The following MYL12B variants were observed in gnomAD, a reference collection of about 807,000 sequenced individuals.
The protein encoded by MYL12B is myosin light chain 12B.
A neutral mutation model predicts 12.9 loss-of-function variants in MYL12B; 3 were observed. The observed-to-expected ratio is 0.23, with a 90% confidence interval of 0.11 to 0.60. MYL12B has a LOEUF of 0.60. MYL12B is among the 20% of genes least tolerant of loss of function. MYL12B has a pLI of 0.89. For synonymous variants in MYL12B, 57 were observed against 71.9 expected (o/e 0.79, Z 1.05); for missense variants, 120 against 215.4 (o/e 0.56, Z 2.77).
chr18:3,276,423 G>C, intron 2 of MYL12B: 7 of 984,642 alleles, frequency 7.1e-6, no homozygotes, highest in Non-Finnish European at 8.4e-6. Flanking sequence ...AAAGGTCAGG[G>C]GAGTTCCCTC....
At chr18:3,273,696 G>A (rs2081702261) in intron 2 of MYL12B, among the ~76,000 whole-genome samples, 1 of 152,074 alleles carries the variant, frequency 6.6e-6, no homozygotes, top group East Asian at 1.9e-4. Context: ...ATTTACAGTT[G>A]GGAGTCAAGG....
At chr18:3,275,812 C>CAT (rs1159703858) in intron 2 of MYL12B, among the ~76,000 whole-genome samples, 57 of 152,006 alleles carry the variant, frequency 3.7e-4, no homozygotes, top group African/African-American at 1.2e-3. Flanking sequence ...TGGGTTAAAT[C>CAT]TGGAGGTAGA....
At chr18:3,277,498 C>T in intron 3 of MYL12B, 84 bp downstream of exon 3, 2 of 1,531,990 alleles carry the variant, frequency 1.3e-6, no homozygotes, top group South Asian at 2.6e-5. Context: ...CTTTTTTTAC[C>T]TTTAGAAAAT....
chr18:3,267,554 C>T (rs1449654944), intron 1 of MYL12B, among the ~76,000 whole-genome samples: 1 of 152,124 alleles, frequency 6.6e-6, no homozygotes, highest in Non-Finnish European at 1.5e-5. Flanking sequence ...TGCTTCTTTC[C>T]ACGGTCCATG....
intron 1 of MYL12B, 145 bp from the exon 2 acceptor site, chr18:3,272,739 T>G: frequency 1.4e-6 from 1 of 711,210 alleles, no homozygotes; most frequent in Non-Finnish European, 2.1e-6. Context: ...AAATAAAGTT[T>G]AGGTGCATAC....
rs144409414 is a variant in MYL12B at position 3,274,286 on chromosome 18, A to G, written c.184+1204A>G. Among the ~76,000 whole-genome samples the G allele has an allele frequency of 1.7e-3, 254 of 152,354 alleles. 4 individuals carry two copies. Among genetic ancestry groups the G allele is most frequent in the African/African-American group, 5.7e-3 (236 of 41,580 alleles). The stretch of plus-strand genomic sequence containing the variant: ...ACTCTCAAGTCTATACTCTGCTTAT[A>G]ATAGATGCTCAATAGATATTTGTTG... On this transcript the variant is annotated intron_variant, in intron 2 of 3. Coordinates refer to ENST00000237500, the MANE Select transcript of MYL12B (RefSeq NM_033546.4).
chr18:3,271,688 G>A (rs1265083112), intron 1 of MYL12B, among the ~76,000 whole-genome samples: 1 of 152,156 alleles, frequency 6.6e-6, no homozygotes, highest in Non-Finnish European at 1.5e-5. Context: ...GTTTTCAGAG[G>A]TTATATGTAG....
chr18:3,275,374 A>G (rs1207805357), intron 2 of MYL12B, among the ~76,000 whole-genome samples: 1 of 152,186 alleles, frequency 6.6e-6, no homozygotes, highest in Non-Finnish European at 1.5e-5. Flanking sequence ...GATAGAATGA[A>G]TAAGATCTAG....
intron 1 of MYL12B, among the ~76,000 whole-genome samples, 177 bp from the exon 2 acceptor site, chr18:3,272,707 A>C (rs1186614801): frequency 6.6e-6 from 1 of 152,108 alleles, no homozygotes. Context: ...TTTTCCACTC[A>C]GTCATTTAAT....
chr18:3,277,400 A>T lies in MYL12B; in HGVS notation c.332A>T (p.Asp111Val). The change falls in exon 3 of 4, where the codon GAT (aspartate) becomes GTT (valine). Residue 111 changes from aspartate to valine, a missense_variant. Transcript: ENST00000237500. The part of the protein sequence containing the change: ...DVIRNAFACF[D>V]EEATGTIQED... ...ATCAGAAACGCCTTTGCTTGCTTTG[A>T]TGAAGAAGCAACAGGTGAGTGCTAT... 6.2e-7 allele frequency: 1 copy of T among 1,614,116 alleles called. No homozygotes were observed. Among genetic ancestry groups the T allele is most frequent in the Non-Finnish European group, 8.5e-7 (1 of 1,179,982 alleles).
At chr18:3,273,975 C>A (rs923279498) in intron 2 of MYL12B, among the ~76,000 whole-genome samples, 4 of 151,816 alleles carry the variant, frequency 2.6e-5, no homozygotes, top group African/African-American at 9.7e-5. Context: ...TTATTCCTAT[C>A]CAACATATGA....
chr18:3,269,634 G>A (rs2081661573), intron 1 of MYL12B, among the ~76,000 whole-genome samples: 1 of 152,174 alleles, frequency 6.6e-6, no homozygotes, highest in Non-Finnish European at 1.5e-5. Context: ...TCCAAGGAAA[G>A]GTCAGGCCTG....
intron 2 of MYL12B, among the ~76,000 whole-genome samples, chr18:3,274,211 A>G (rs1049431071): frequency 1.3e-5 from 2 of 152,206 alleles, no homozygotes; most frequent in South Asian, 4.1e-4. Flanking sequence ...TCAGTACTGA[A>G]GAAGGCCTCT....
At chr18:3,276,638 A>C (rs2081733783) in intron 2 of MYL12B, 1 of 845,720 alleles carries the variant, frequency 1.2e-6, no homozygotes, top group Non-Finnish European at 1.4e-6. Flanking sequence ...TTTGAAGCAT[A>C]TCAACTTATG....
intron 3 of MYL12B, 57 bp downstream of exon 3, chr18:3,277,471 G>T: frequency 3.9e-6 from 6 of 1,546,214 alleles, no homozygotes; most frequent in Non-Finnish European, 5.2e-6. Flanking sequence ...GTACTTCTGT[G>T]AAATAGAAGG....
In MYL12B at chr18:3,273,148, T is replaced by C. The variant is rs567196904; in HGVS notation, c.184+66T>C. 8.5e-5 allele frequency: 125 copies of C among 1,467,800 alleles called. 3 individuals carry two copies. The South Asian group carries it at 1.7e-3, about 20-fold the overall frequency. 90.9% of individuals were successfully genotyped at this position (1,467,800 alleles called of 1,614,324 possible). ...TAATTTGTCTCTTTATGAATCTTTT[T>C]TTTGTGCGATGTACAAATATTTCTC... On this transcript the variant is annotated intron_variant, in intron 2 of 3. Coordinates refer to ENST00000237500, the MANE Select transcript of MYL12B (RefSeq NM_033546.4).
At chr18:3,268,698 T>G (rs753520803) in intron 1 of MYL12B, among the ~76,000 whole-genome samples, 9 of 152,216 alleles carry the variant, frequency 5.9e-5, no homozygotes, top group Non-Finnish European at 1.3e-4. Flanking sequence ...ATTGCAAGTT[T>G]TAAAAAATTT....
intron 1 of MYL12B, among the ~76,000 whole-genome samples, chr18:3,265,249 T>TTCC (rs2081626745): frequency 6.6e-6 from 1 of 152,198 alleles, no homozygotes; most frequent in Non-Finnish European, 1.5e-5. Context: ...TGAGGTTACT[T>TTCC]TTGTGAAGTA....
rs1011968774 is a variant in MYL12B, at chr18:3,278,017, C to T, written c.*80C>T. 1 of 1,512,596 alleles carries T rather than the reference C, an allele frequency of 6.6e-7. No individual in the cohort carries two copies. Among genetic ancestry groups the T allele is most frequent in the African/African-American group, 1.4e-5 (1 of 70,976 alleles). 93.7% of individuals were successfully genotyped at this position (1,512,596 alleles called of 1,614,324 possible). Reference sequence around the variant, plus strand: ...AGACACTTCCCCCACCCTCATAGAACCTGTTGCATGCAACTTAGTTTCACA... The same window carrying T: ...AGACACTTCCCCCACCCTCATAGAATCTGTTGCATGCAACTTAGTTTCACA... On this transcript the variant is annotated 3_prime_UTR_variant, in exon 4 of 4. Coordinates refer to ENST00000237500, the MANE Select transcript of MYL12B (RefSeq NM_033546.4).
Sources: gnomAD v4.1 joint callset for allele counts (sites outside exome capture counted in the v4.1 genomes callset) on GRCh38, gnomAD v4.1.1 for gene constraint, MANE v1.5 for transcripts, NCBI Gene and HGNC (gene_info 2026-07-23, HGNC 2026-07-21) for gene names.